USP8: variants seen among roughly 807,000 people sequenced by gnomAD.
USP8 encodes the protein ubiquitin carboxyl-terminal hydrolase 8.
USP8 carries 27 observed loss-of-function variants against 130.0 expected under a neutral mutation model. That is an observed-to-expected ratio of 0.21 (90% confidence interval 0.15 to 0.29). The LOEUF is 0.29. USP8 is among the 10% of genes least tolerant of loss of function. The probability of loss-of-function intolerance (pLI) is 1.00; values close to 1 mark genes in which losing one functional copy is unlikely to be tolerated. For missense variants in USP8, 1,029 were observed against 1,312.2 expected (o/e 0.78, Z 3.33); for synonymous variants, 392 against 444.1 (o/e 0.88, Z 1.48).
At chr15:50,440,829 C>G (rs143916382) in intron 2 of USP8, among the ~76,000 whole-genome samples, 3,200 of 150,142 alleles carry the variant, frequency 0.021, 103 homozygotes, top group African/African-American at 0.073. Context: ...ATGGTGAAAC[C>G]TCGTCTCTAC....
chr15:50,485,157 C>T (rs2051910972), intron 12 of USP8, among the ~76,000 whole-genome samples: 1 of 152,082 alleles, frequency 6.6e-6, no homozygotes, highest in Non-Finnish European at 1.5e-5. Flanking sequence ...TTTTTAAATA[C>T]ATAGGCTTTG....
rs1451829113 is a variant in USP8, at chr15:50,481,809, A to T, written c.1547A>T (p.Glu516Val). The T allele has an allele frequency of 6.5e-7, 1 of 1,530,558 alleles. No individual in the cohort carries two copies. The highest frequency in any genetic ancestry group is 8.7e-7 in the Non-Finnish European group (1 of 1,144,626). 94.8% of individuals were successfully genotyped at this position (1,530,558 alleles called of 1,614,324 possible). Residue 516 changes from glutamate (E) to valine (V), a missense_variant, in exon 11 of 20, where the codon GAG becomes GTG. This residue lies in a region of USP8 where 486 missense variants were observed against 522.0 expected (regional missense o/e 0.93). Transcript: ENST00000307179. ...GAAGCTGAAGAAAATGAAATTACAGAGAAGCAACAAAAAGCAAAAGAAGAA... is the reference window on the plus strand; with the variant it reads ...GAAGCTGAAGAAAATGAAATTACAGTGAAGCAACAAAAAGCAAAAGAAGAA... Reference protein sequence around the residue: ...KQEAEENEITEKQQKAKEEME... With the variant: ...KQEAEENEITVKQQKAKEEME...
At position 50,505,972 on chromosome 15, in the gene USP8, T is replaced by C. The variant is rs1411600322; in HGVS notation, c.*6884T>C. ...GAGACCCTGTCTCAAAAACAAAAGA[T>C]GCTGAAAACAGTAGTTCAGTGATCA... On this transcript the variant is annotated 3_prime_UTR_variant, in exon 20 of 20. Coordinates refer to ENST00000307179, the MANE Select transcript of USP8 (RefSeq NM_005154.5). 1.3e-5 allele frequency: 2 copies of C among 152,204 alleles called. No homozygotes were observed. Among genetic ancestry groups the C allele is most frequent in the Non-Finnish European group, 2.9e-5 (2 of 68,084 alleles). 9.4% of individuals were successfully genotyped at this position (152,204 alleles called of 1,614,324 possible). A position where few individuals can be genotyped will look rare whatever the true frequency, so the allele number is the denominator to read the frequency against.
intron 10 of USP8, among the ~76,000 whole-genome samples, chr15:50,479,244 A>G (rs2051680150): frequency 6.6e-6 from 1 of 152,210 alleles, no homozygotes; most frequent in Non-Finnish European, 1.5e-5. Context: ...GGACGTCTTC[A>G]TGGAGGAGAC....
At chr15:50,479,258 A>G (rs953238835) in intron 10 of USP8, among the ~76,000 whole-genome samples, 3 of 152,136 alleles carry the variant, frequency 2.0e-5, no homozygotes, top group Non-Finnish European at 4.4e-5. Flanking sequence ...AGGAGACAGT[A>G]TTTTATCTGG....
At chr15:50,425,236 T>C (rs2049674544) in intron 1 of USP8, among the ~76,000 whole-genome samples, 1 of 152,234 alleles carries the variant, frequency 6.6e-6, no homozygotes, top group Non-Finnish European at 1.5e-5. Context: ...CTAAGGAATT[T>C]AGTATTTGTT....
At chr15:50,454,672 C>G (rs1595925866) in intron 4 of USP8, among the ~76,000 whole-genome samples, 1 of 152,132 alleles carries the variant, frequency 6.6e-6, no homozygotes, top group African/African-American at 2.4e-5. Flanking sequence ...CCAGGCTGGT[C>G]TCAAACTCCT....
intron 3 of USP8, among the ~76,000 whole-genome samples, chr15:50,444,839 C>A (rs2050373059): frequency 6.6e-6 from 1 of 152,172 alleles, no homozygotes; most frequent in Admixed American, 6.5e-5. Flanking sequence ...TTCACTGCAG[C>A]CTCGACTTCC....
Position 50,424,470 on chromosome 15 carries a change from A to G in USP8, c.-110A>G, listed in dbSNP as rs1427292766. The G allele has an allele frequency of 2.5e-6, 1 of 398,688 alleles. No individual in the cohort carries two copies. Among genetic ancestry groups the G allele is most frequent in the Non-Finnish European group, 4.4e-6 (1 of 226,110 alleles). 24.7% of individuals were successfully genotyped at this position (398,688 alleles called of 1,614,324 possible). ...TCCCTCGAGTTCTTGGGAGATGGGC[A>G]TTTGGCGAGAAGGCTGGCGTTAGTG... On this transcript the variant is annotated 5_prime_UTR_variant, in exon 1 of 20. Transcript: ENST00000307179.
rs2052616621 is a variant in USP8, at chr15:50,503,348, A to C, written c.*4260A>C. 1 of 152,326 alleles carries C rather than the reference A, an allele frequency of 6.6e-6. No individual in the cohort carries two copies. The highest frequency in any genetic ancestry group is 2.1e-4 in the South Asian group (1 of 4,834). The allele number at this position is 152,326 out of a possible 1,614,324, so 9.4% of individuals were successfully genotyped here. ...CGGAGCCCTAAACAGGAAATTTAACAACAGTATGGTGTGTGGTTTATGCTT... is the reference window on the plus strand; with the variant it reads ...CGGAGCCCTAAACAGGAAATTTAACCACAGTATGGTGTGTGGTTTATGCTT... On this transcript the variant is annotated 3_prime_UTR_variant, in exon 20 of 20. Coordinates refer to ENST00000307179, the MANE Select transcript of USP8 (RefSeq NM_005154.5).
chr15:50,460,572 GT>G (rs1187588783), intron 5 of USP8, among the ~76,000 whole-genome samples: 1 of 151,988 alleles, frequency 6.6e-6, no homozygotes, highest in East Asian at 1.9e-4. Context: ...GCCTCCCAAA[GT>G]GTTGGGATTA....
chr15:50,513,001 TAAG>T lies in USP8; in HGVS notation c.*13919_*13921del, dbSNP rs1348796160. On this transcript the variant is annotated 3_prime_UTR_variant, in exon 20 of 20. Coordinates refer to ENST00000307179, the MANE Select transcript of USP8 (RefSeq NM_005154.5). ...CATGTAAATGACTCTTTCCAATCAA[TAAG>T]AAGAAAAATAACCCAGTTTGTAAAA... 1 of 151,964 alleles carries T rather than the reference TAAG, an allele frequency of 6.6e-6. No individual in the cohort carries two copies. The highest frequency in any genetic ancestry group is 1.5e-5 in the Non-Finnish European group (1 of 67,970). The allele number at this position is 151,964 out of a possible 1,614,324, so 9.4% of individuals were successfully genotyped here. A position where few individuals can be genotyped will look rare whatever the true frequency, so the allele number is the denominator to read the frequency against.
At chr15:50,473,962 A>C (rs1427460936) in intron 8 of USP8, among the ~76,000 whole-genome samples, 2 of 151,668 alleles carry the variant, frequency 1.3e-5, no homozygotes, top group South Asian at 4.2e-4. Context: ...GTCCTTTCCA[A>C]GTAGCTGGGA....
At chr15:50,498,434 A>G in intron 18 of USP8, 162 bp from the exon 19 acceptor site, 1 of 906,568 alleles carries the variant, frequency 1.1e-6, no homozygotes, top group Non-Finnish European at 1.6e-6. Context: ...TAAAATGGAA[A>G]TGAAGCCAAA....
chr15:50,446,044 A>C (rs556148631), intron 3 of USP8, among the ~76,000 whole-genome samples: 2 of 152,194 alleles, frequency 1.3e-5, no homozygotes, highest in Non-Finnish European at 2.9e-5. Context: ...TCTAGATAAA[A>C]TTAGAATTGT....
At chr15:50,456,103 T>G (rs1204868586) in intron 4 of USP8, among the ~76,000 whole-genome samples, 2 of 152,222 alleles carry the variant, frequency 1.3e-5, no homozygotes, top group East Asian at 1.9e-4. Flanking sequence ...TTCAGAACAA[T>G]GGAAACTACT....
rs895523266 is a variant in USP8, at chr15:50,510,373, C to A, written c.*11285C>A. Reference sequence around the variant, plus strand: ...AACTAGAAAAGATTGATGTTCCAACCAAATTAAAACTTGATTGTCAGCAAT... The same window carrying A: ...AACTAGAAAAGATTGATGTTCCAACAAAATTAAAACTTGATTGTCAGCAAT... On this transcript the variant is annotated 3_prime_UTR_variant, in exon 20 of 20. Coordinates refer to ENST00000307179, the MANE Select transcript of USP8 (RefSeq NM_005154.5). 6 of 150,664 alleles carry A rather than the reference C, an allele frequency of 4.0e-5. No homozygotes were observed. Among genetic ancestry groups the A allele is most frequent in the Admixed American group, 4.0e-4 (6 of 15,134 alleles). 9.3% of individuals were successfully genotyped at this position (150,664 alleles called of 1,614,324 possible). A position where few individuals can be genotyped will look rare whatever the true frequency, so the allele number is the denominator to read the frequency against.
At chr15:50,438,680 T>G (rs2050157775) in intron 1 of USP8, among the ~76,000 whole-genome samples, 1 of 152,220 alleles carries the variant, frequency 6.6e-6, no homozygotes, top group Non-Finnish European at 1.5e-5. Flanking sequence ...TCCATCTACT[T>G]ATGATCTAAA....
Position 50,504,861 on chromosome 15 carries a change from A to T in USP8, c.*5773A>T, listed in dbSNP as rs2052636917. ...GCTGGGCCTGGTGGCGTGCACCTGT[A>T]ATCCCAGCTACTTGAGAGGCTGAAG... On this transcript the variant is annotated 3_prime_UTR_variant, in exon 20 of 20. Coordinates refer to ENST00000307179, the MANE Select transcript of USP8 (RefSeq NM_005154.5). 6.6e-6 allele frequency: 1 copy of T among 152,216 alleles called. No homozygotes were observed. The highest frequency in any genetic ancestry group is 6.5e-5 in the Admixed American group (1 of 15,278). The allele number at this position is 152,216 out of a possible 1,614,324, so 9.4% of individuals were successfully genotyped here. A position where few individuals can be genotyped will look rare whatever the true frequency, so the allele number is the denominator to read the frequency against.
Sources: allele counts gnomAD v4.1 joint callset (sites outside exome capture counted in the v4.1 genomes callset), GRCh38; gene constraint gnomAD v4.1.1; regional missense constraint gnomAD v4.1.1; transcripts MANE v1.5; gene names NCBI Gene and HGNC (gene_info 2026-07-23, HGNC 2026-07-21).